ACVR1: variants seen among roughly 807,000 people sequenced by gnomAD.
ACVR1 encodes activin A receptor type 1, also known as activin receptor type-1.
A neutral mutation model predicts 57.1 loss-of-function variants in ACVR1; 38 were observed. That is an observed-to-expected ratio of 0.67 (90% CI 0.51 to 0.87). The LOEUF is 0.87. Ranked by LOEUF, ACVR1 falls within the 40% of genes least tolerant of loss-of-function variation. The pLI is 0.00. For synonymous variants in ACVR1, 212 were observed against 228.1 expected (o/e 0.93, Z 0.63); for missense variants, 463 against 638.2 (o/e 0.73, Z 2.96).
At chr2:157,821,584 A>G (rs567475480) in intron 1 of ACVR1, among the ~76,000 whole-genome samples, 2 of 152,312 alleles carry the variant, frequency 1.3e-5, no homozygotes, top group African/African-American at 4.8e-5. Context: ...ATGAATATCT[A>G]TATAGTAAAC....
intron 1 of ACVR1, among the ~76,000 whole-genome samples, chr2:157,837,422 T>C (rs1358573724): frequency 6.6e-6 from 1 of 152,190 alleles, no homozygotes; most frequent in Non-Finnish European, 1.5e-5. Context: ...ACATATAGAA[T>C]GAAAGCTGAC....
intron 6 of ACVR1, among the ~76,000 whole-genome samples, chr2:157,771,141 G>A (rs551178544): frequency 2.6e-5 from 4 of 152,308 alleles, no homozygotes; most frequent in South Asian, 2.1e-4. Flanking sequence ...ATTTCTTGGC[G>A]GAAGATGTAT....
intron 1 of ACVR1, among the ~76,000 whole-genome samples, chr2:157,833,295 G>GT (rs1688652345): frequency 6.6e-6 from 1 of 152,166 alleles, no homozygotes; most frequent in Non-Finnish European, 1.5e-5. Context: ...CTTGAGCTCT[G>GT]TGGACTGAAG....
intron 3 of ACVR1, among the ~76,000 whole-genome samples, chr2:157,788,338 T>C (rs1187085694): frequency 6.6e-6 from 1 of 152,216 alleles, no homozygotes; most frequent in African/African-American, 2.4e-5. Flanking sequence ...TTCTAAGTTA[T>C]ATGCTGTTTG....
chr2:157,841,471 C>T (rs973607794), intron 1 of ACVR1, among the ~76,000 whole-genome samples: 3 of 152,080 alleles, frequency 2.0e-5, no homozygotes, highest in Non-Finnish European at 4.4e-5. Flanking sequence ...TTTTAACGAC[C>T]GCATTTACCT....
chr2:157,864,682 A>AT (rs1689851711), intron 1 of ACVR1, among the ~76,000 whole-genome samples: 1 of 152,218 alleles, frequency 6.6e-6, no homozygotes, highest in Admixed American at 6.5e-5. Context: ...ACATTACAAA[A>AT]TATCAAAAGC....
At chr2:157,859,892 T>C (rs1025833215) in intron 1 of ACVR1, among the ~76,000 whole-genome samples, 3 of 152,196 alleles carry the variant, frequency 2.0e-5, no homozygotes, top group African/African-American at 7.2e-5. Flanking sequence ...TTATAGATTA[T>C]ACTTAAGAAA....
chr2:157,869,288 G>A (rs1483782144), intron 1 of ACVR1, among the ~76,000 whole-genome samples: 2 of 152,170 alleles, frequency 1.3e-5, no homozygotes, highest in Admixed American at 1.3e-4. Context: ...GCAAGGGAGA[G>A]GGGCATAGGG....
At chr2:157,826,148 C>G (rs1181791138) in intron 1 of ACVR1, among the ~76,000 whole-genome samples, 1 of 152,174 alleles carries the variant, frequency 6.6e-6, no homozygotes, top group African/African-American at 2.4e-5. Flanking sequence ...CCCACCAGGC[C>G]AGGACCAGAT....
chr2:157,845,133 G>A (rs1354244919), intron 1 of ACVR1, among the ~76,000 whole-genome samples: 1 of 152,208 alleles, frequency 6.6e-6, no homozygotes, highest in East Asian at 1.9e-4. Flanking sequence ...AATAAGTTGT[G>A]TAGGCATGCC....
In ACVR1 at chr2:157,808,192, T is replaced by A. The variant is rs553971907; in HGVS notation, c.-7-8692A>T. Among the ~76,000 whole-genome samples the A allele has an allele frequency of 2.2e-3, 341 of 152,286 alleles. 1 individual carries two copies. The highest frequency in any genetic ancestry group is 8.0e-3 in the African/African-American group (331 of 41,562). ...TAAAATAAATAAATTTTTTATTGTG[T>A]TTCTCCCTCTTCCACACACCAAAAT... On this transcript the variant is annotated intron_variant, in intron 2 of 10. Coordinates refer to ENST00000434821, the MANE Select transcript of ACVR1 (RefSeq NM_001111067.4).
At chr2:157,826,566 A>T (rs1333820536) in intron 1 of ACVR1, 1 of 151,120 alleles carries the variant, frequency 6.6e-6, no homozygotes, top group African/African-American at 2.4e-5. Flanking sequence ...GGGGGGAAGG[A>T]CTGCTTGAGC....
At position 157,875,864 on chromosome 2, in the gene ACVR1, T is replaced by TCGGCG. The variant is rs1222897475; in HGVS notation, c.-256_-252dup. ...GTGCGAGGCAGCCGGGCGCTGCAGG[T>TCGGCG]CGGCGCGGCGCGGGGCGGCGCGGGG... is the stretch of plus-strand genomic sequence containing the variant. On this transcript the variant is annotated 5_prime_UTR_variant, in exon 1 of 11. Transcript: ENST00000434821. The TCGGCG allele has an allele frequency of 2.0e-4, 30 of 146,774 alleles. No homozygotes were observed. Among genetic ancestry groups the TCGGCG allele is most frequent in the Admixed American group, 1.3e-3 (19 of 14,730 alleles). 9.1% of individuals were successfully genotyped at this position (146,774 alleles called of 1,614,324 possible).
At chr2:157,859,393 A>C (rs545563358) in intron 1 of ACVR1, among the ~76,000 whole-genome samples, 1 of 152,340 alleles carries the variant, frequency 6.6e-6, no homozygotes, top group Admixed American at 6.5e-5. Flanking sequence ...AATAATTCGG[A>C]AATAACCACA....
At chr2:157,805,917 C>T (rs1025575386) in intron 2 of ACVR1, among the ~76,000 whole-genome samples, 3 of 147,222 alleles carry the variant, frequency 2.0e-5, no homozygotes, top group Non-Finnish European at 3.0e-5. Flanking sequence ...TCAACCTCCT[C>T]GGCTCAAATG....
intron 9 of ACVR1, among the ~76,000 whole-genome samples, chr2:157,751,408 C>A (rs1217612256): frequency 6.6e-6 from 1 of 152,218 alleles, no homozygotes; most frequent in Admixed American, 6.5e-5. Flanking sequence ...TGGAAACCTC[C>A]AGCTGAACTG....
intron 1 of ACVR1, among the ~76,000 whole-genome samples, chr2:157,835,139 T>A (rs1198343993): frequency 6.6e-6 from 1 of 152,186 alleles, no homozygotes; most frequent in Non-Finnish European, 1.5e-5. Flanking sequence ...TGTTTCCTTT[T>A]TAGGAAACTG....
At chr2:157,834,524 G>A (rs933393264) in intron 1 of ACVR1, among the ~76,000 whole-genome samples, 5 of 151,934 alleles carry the variant, frequency 3.3e-5, no homozygotes, top group African/African-American at 1.2e-4. Flanking sequence ...CCAACTGTGG[G>A]GTTTATTGTA....
chr2:157,745,105 AT>A (rs1559032192), intron 9 of ACVR1, among the ~76,000 whole-genome samples: 4 of 152,204 alleles, frequency 2.6e-5, no homozygotes. Flanking sequence ...ATTAATTTCT[AT>A]TGTTGGAATT....
Sources: gnomAD v4.1 joint callset for allele counts (sites outside exome capture counted in the v4.1 genomes callset) on GRCh38, gnomAD v4.1.1 for gene constraint, MANE v1.5 for transcripts, NCBI Gene and HGNC (gene_info 2026-07-23, HGNC 2026-07-21) for gene names.